COMMD1: variants seen among roughly 807,000 people sequenced by gnomAD.
COMMD1 encodes COMM domain-containing protein 1.
In COMMD1, 10 loss-of-function variants were observed where a neutral mutation model predicts 17.2. The observed-to-expected ratio is 0.58, with a 90% confidence interval of 0.36 to 0.99. The LOEUF (loss-of-function observed/expected upper bound fraction) is 0.99. Ranked by LOEUF, COMMD1 falls within the 50% of genes least tolerant of loss-of-function variation. The pLI is 0.01. For synonymous variants in COMMD1, 97 were observed against 91.6 expected (o/e 1.06, Z -0.34); for missense variants, 270 against 231.8 (o/e 1.17, Z -1.07).
intron 1 of COMMD1, among the ~76,000 whole-genome samples, chr2:61,955,168 C>G (rs1487875155): frequency 6.6e-6 from 1 of 152,110 alleles, no homozygotes; most frequent in East Asian, 1.9e-4. Flanking sequence ...TTAATCATTC[C>G]CATATTTCTT....
chr2:61,911,307 T>C (rs1264362279), intron 1 of COMMD1, among the ~76,000 whole-genome samples: 1 of 152,060 alleles, frequency 6.6e-6, no homozygotes, highest in Non-Finnish European at 1.5e-5. Flanking sequence ...AAACCCCGTC[T>C]CTATTAAAAA....
intron 2 of COMMD1, among the ~76,000 whole-genome samples, chr2:62,032,883 G>T (rs1311101622): frequency 6.6e-6 from 1 of 152,128 alleles, no homozygotes; most frequent in Non-Finnish European, 1.5e-5. Context: ...CGATTCTCCT[G>T]CCTCAGCCTC....
intron 2 of COMMD1, among the ~76,000 whole-genome samples, chr2:62,082,941 C>T (rs758842440): frequency 3.9e-5 from 6 of 152,036 alleles, no homozygotes; most frequent in Non-Finnish European, 7.4e-5. Flanking sequence ...CCCTTTTTAG[C>T]ATCTCTCATT....
intron 1 of COMMD1, among the ~76,000 whole-genome samples, chr2:61,997,023 A>G (rs1668781340): frequency 1.3e-5 from 2 of 150,662 alleles, no homozygotes; most frequent in South Asian, 2.1e-4. Flanking sequence ...ATCACTGTCT[A>G]TGGCAGCTAT....
Position 61,905,796 on chromosome 2 carries a change from T to C in COMMD1, c.118T>C (p.Tyr40His). 1 of 1,614,194 alleles carries C rather than the reference T, an allele frequency of 6.2e-7. No homozygotes were observed. Among genetic ancestry groups the C allele is most frequent in the Non-Finnish European group, 8.5e-7 (1 of 1,180,036 alleles). Residue 40 changes from tyrosine (Y) to histidine (H), a missense_variant, in exon 1 of 3, where the codon TAT (tyrosine) becomes CAT (histidine). Tyr to His is a moderately conservative substitution (Grantham distance 83). Transcript: ENST00000311832. ...ITEELLRSQL[Y>H]PEVPPEEFRP... Reference sequence around the variant, plus strand: ...AGAGGAGCTGCTACGGAGCCAGCTATATCCAGAGGTGCCACCCGAGGAGTT... The same window carrying C: ...AGAGGAGCTGCTACGGAGCCAGCTACATCCAGAGGTGCCACCCGAGGAGTT...
chr2:62,071,504 T>G (rs1671199675), intron 2 of COMMD1, among the ~76,000 whole-genome samples: 1 of 152,154 alleles, frequency 6.6e-6, no homozygotes, highest in African/African-American at 2.4e-5. Context: ...GCCTGGTAGG[T>G]CTCAGCCTTA....
chr2:61,890,618 A>G (rs1669405968), intron 1 of COMMD1, among the ~76,000 whole-genome samples: 1 of 152,000 alleles, frequency 6.6e-6, no homozygotes, highest in Admixed American at 6.6e-5. Flanking sequence ...AGGTGGGTGG[A>G]TCGCTTTAGG....
At chr2:61,955,875 C>T (rs763600787) in intron 1 of COMMD1, among the ~76,000 whole-genome samples, 35 of 151,984 alleles carry the variant, frequency 2.3e-4, no homozygotes, top group Non-Finnish European at 3.8e-4. Flanking sequence ...TTAGTAAAGA[C>T]GGGGTTTCAC....
intron 1 of COMMD1, among the ~76,000 whole-genome samples, chr2:61,924,849 G>A (rs982211534): frequency 1.3e-5 from 2 of 152,154 alleles, no homozygotes; most frequent in Non-Finnish European, 2.9e-5. Flanking sequence ...AGAGACTGTC[G>A]GTGACGAAGA....
intron 2 of COMMD1, among the ~76,000 whole-genome samples, chr2:62,019,349 A>T (rs1366148608): frequency 3.3e-5 from 5 of 151,582 alleles, no homozygotes; most frequent in East Asian, 3.9e-4. Context: ...AATTTTTTGT[A>T]TTTTTAGTAG....
At chr2:62,089,049 G>A in intron 2 of COMMD1, among the ~76,000 whole-genome samples, 1 of 152,154 alleles carries the variant, frequency 6.6e-6, no homozygotes, top group Non-Finnish European at 1.5e-5. Context: ...TTCAGGTTAA[G>A]ATAAAAGATT....
At chr2:62,088,442 C>T (rs1389197377) in intron 2 of COMMD1, among the ~76,000 whole-genome samples, 3 of 152,184 alleles carry the variant, frequency 2.0e-5, no homozygotes, top group Non-Finnish European at 4.4e-5. Context: ...ATATGTTTTT[C>T]CCCATTTCTT....
At chr2:62,073,539 C>A (rs1184829550) in intron 2 of COMMD1, among the ~76,000 whole-genome samples, 1 of 152,174 alleles carries the variant, frequency 6.6e-6, no homozygotes, top group East Asian at 1.9e-4. Context: ...AGATGTCCTG[C>A]CTTTTTGGGC....
chr2:61,935,411 T>C (rs1448880751), intron 1 of COMMD1, among the ~76,000 whole-genome samples: 1 of 152,074 alleles, frequency 6.6e-6, no homozygotes, highest in East Asian at 1.9e-4. Flanking sequence ...GGTGGATCAC[T>C]TGAGGTTAGG....
chr2:62,056,867 T>C (rs1303568639), intron 2 of COMMD1, among the ~76,000 whole-genome samples: 1 of 152,208 alleles, frequency 6.6e-6, no homozygotes, highest in Non-Finnish European at 1.5e-5. Context: ...CTTGAAAGTA[T>C]GTTTGAGGCA....
At chr2:61,984,767 G>C (rs1672057739) in intron 1 of COMMD1, among the ~76,000 whole-genome samples, 1 of 152,154 alleles carries the variant, frequency 6.6e-6, no homozygotes, top group African/African-American at 2.4e-5. Flanking sequence ...GAAGTCTCCA[G>C]CTATTATTGT....
intron 1 of COMMD1, among the ~76,000 whole-genome samples, chr2:61,911,014 C>T (rs966190837): frequency 6.6e-6 from 1 of 151,058 alleles, no homozygotes; most frequent in Non-Finnish European, 1.5e-5. Flanking sequence ...ACCCGGGAGG[C>T]GGAGGTCGTG....
intron 1 of COMMD1, among the ~76,000 whole-genome samples, chr2:61,941,567 C>T (rs1487107931): frequency 6.6e-6 from 1 of 152,162 alleles, no homozygotes; most frequent in Non-Finnish European, 1.5e-5. Context: ...CTGCGGTGCT[C>T]TACTTGGTAT....
At chr2:61,969,305 A>G (rs1247900907) in intron 1 of COMMD1, among the ~76,000 whole-genome samples, 1 of 152,170 alleles carries the variant, frequency 6.6e-6, no homozygotes, top group East Asian at 1.9e-4. Flanking sequence ...ATCTTTAATT[A>G]TATAAATTTA....
Sources: allele counts gnomAD v4.1 joint callset (sites outside exome capture counted in the v4.1 genomes callset), GRCh38; gene constraint gnomAD v4.1.1; transcripts MANE v1.5; gene names NCBI Gene and HGNC (gene_info 2026-07-23, HGNC 2026-07-21).